The following GRIK3 variants were observed in gnomAD, a reference collection of about 807,000 sequenced individuals.
The protein encoded by GRIK3 is glutamate receptor ionotropic, kainate 3.
GRIK3 carries 29 observed loss-of-function variants against 102.5 expected under a neutral mutation model. That is an observed-to-expected ratio of 0.28 (90% CI 0.21 to 0.39). GRIK3 has a LOEUF of 0.39. Ranked by LOEUF, GRIK3 falls within the 10% of genes least tolerant of loss-of-function variation. The pLI, the probability that GRIK3 is intolerant of heterozygous loss-of-function variation, is 1.00. For synonymous variants in GRIK3, 511 were observed against 504.9 expected, an observed-to-expected ratio of 1.01 and a Z score of -0.16; for missense variants, 908 against 1,252.4, an observed-to-expected ratio of 0.73 and a Z score of 4.15.
intron 1 of GRIK3, among the ~76,000 whole-genome samples, chr1:36,997,391 AT>A (rs1321405397): frequency 7.2e-5 from 11 of 152,244 alleles, no homozygotes; most frequent in Non-Finnish European, 1.5e-4. Flanking sequence ...ATTAGAAAAC[AT>A]TTTTAAGGCA....
Position 36,914,083 on chromosome 1 carries a change from C to T in GRIK3, c.116-22987G>A, listed in dbSNP as rs186231707. ...AGGGAGGTCCCACACTGCAGCCCCACGGTGCCGGGGCAGGTGTGGGAGCCT... is the reference window on the plus strand; with the variant it reads ...AGGGAGGTCCCACACTGCAGCCCCATGGTGCCGGGGCAGGTGTGGGAGCCT... On this transcript the variant is annotated intron_variant, in intron 1 of 15. Coordinates refer to ENST00000373091, the MANE Select transcript of GRIK3 (RefSeq NM_000831.4). Among the ~76,000 whole-genome samples the T allele has an allele frequency of 9.8e-5, 15 of 152,346 alleles. No individual in the cohort carries two copies. In the East Asian group the frequency reaches 2.5e-3, roughly 25 times the overall value.
intron 1 of GRIK3, among the ~76,000 whole-genome samples, chr1:37,014,946 T>TCC (rs1443175042): frequency 6.0e-5 from 9 of 151,024 alleles, no homozygotes; most frequent in Admixed American, 2.6e-4. Flanking sequence ...TCTCTCTCTC[T>TCC]CTCTCTCTCT....
intron 8 of GRIK3, among the ~76,000 whole-genome samples, chr1:36,851,804 A>C (rs776797313): frequency 2.0e-5 from 3 of 152,226 alleles, no homozygotes; most frequent in Non-Finnish European, 2.9e-5. Flanking sequence ...AGCTGCCTGG[A>C]GGGCTGTTTG....
chr1:36,803,440 T>C (rs866349036), intron 15 of GRIK3, among the ~76,000 whole-genome samples: 13 of 152,148 alleles, frequency 8.5e-5, no homozygotes, highest in Middle Eastern at 6.8e-3. Flanking sequence ...TATTATTTAT[T>C]ATTATTATTT....
chr1:36,916,303 A>G, intron 1 of GRIK3, among the ~76,000 whole-genome samples: 1 of 152,236 alleles, frequency 6.6e-6, no homozygotes, highest in Middle Eastern at 3.2e-3. Flanking sequence ...ATTTTTAAAA[A>G]GGAAACAGAG....
At chr1:36,987,016 A>G (rs143783867) in intron 1 of GRIK3, among the ~76,000 whole-genome samples, 252 of 152,272 alleles carry the variant, frequency 1.7e-3, no homozygotes, top group African/African-American at 5.3e-3. Flanking sequence ...TAGCACATCC[A>G]TTTAGGGGAC....
chr1:36,825,543 C>T (rs748334304), intron 11 of GRIK3, 60 bp downstream of exon 11: 2 of 1,169,562 alleles, frequency 1.7e-6, no homozygotes, highest in Non-Finnish European at 2.4e-6. Context: ...GAGATGAGGA[C>T]CTGCCTAACC....
In GRIK3 at chr1:36,806,250, T is replaced by C; in HGVS notation, c.2168A>G (p.Glu723Gly). The C allele has an allele frequency of 1.2e-6, 2 of 1,614,134 alleles. No individual in the cohort carries two copies. Among genetic ancestry groups the C allele is most frequent in the Middle Eastern group, 1.6e-4 (1 of 6,062 alleles). Residue 723 changes from glutamate to glycine, a missense_variant, in exon 14 of 16, where the codon GAG (glutamate) becomes GGG (glycine). This residue lies in a region of GRIK3 where 297 missense variants were observed against 362.7 expected (regional missense o/e 0.82). Transcript: ENST00000373091. This position sits in a 1 kb window ranked among gnomAD's most constrained non-coding sequence, Gnocchi z 4.0. ...CGTCAGGGCCCTCTGGATGCCCTCCTCGTTGTTCTTCACCAGCGCCGATGG... is the reference window on the plus strand; with the variant it reads ...CGTCAGGGCCCTCTGGATGCCCTCCCCGTTGTTCTTCACCAGCGCCGATGG... ...SKPSALVKNN[E>G]EGIQRALTAD...
At chr1:36,868,216 C>T (rs987509255) in intron 5 of GRIK3, among the ~76,000 whole-genome samples, 1 of 152,212 alleles carries the variant, frequency 6.6e-6, no homozygotes, top group African/African-American at 2.4e-5. Context: ...GCCCTGCTCC[C>T]AGCTCTGGAC....
intron 9 of GRIK3, among the ~76,000 whole-genome samples, chr1:36,844,397 G>A (rs1265062555): frequency 2.0e-5 from 3 of 152,218 alleles, no homozygotes; most frequent in Admixed American, 2.0e-4. Flanking sequence ...GGAGGACATC[G>A]GCTGGTCCAT....
At chr1:36,937,798 G>C (rs1191952938) in intron 1 of GRIK3, among the ~76,000 whole-genome samples, 1 of 152,194 alleles carries the variant, frequency 6.6e-6, no homozygotes, top group Non-Finnish European at 1.5e-5. Flanking sequence ...ATAGTACAGG[G>C]ACCACTACAT....
At chr1:36,903,695 T>A (rs752365145) in intron 1 of GRIK3, among the ~76,000 whole-genome samples, 1 of 152,240 alleles carries the variant, frequency 6.6e-6, no homozygotes, top group Non-Finnish European at 1.5e-5. Context: ...TGCCTATCAC[T>A]AAGCGAATGA....
At chr1:36,975,008 G>T (rs1557448320) in intron 1 of GRIK3, among the ~76,000 whole-genome samples, 1 of 152,078 alleles carries the variant, frequency 6.6e-6, no homozygotes, top group Non-Finnish European at 1.5e-5. Context: ...GGGTAATGGG[G>T]AACTATTGTT....
chr1:36,917,583 C>T (rs548437365), intron 1 of GRIK3, among the ~76,000 whole-genome samples: 55 of 152,272 alleles, frequency 3.6e-4, no homozygotes, highest in African/African-American at 1.2e-3. Context: ...ATAAGTCTCA[C>T]GAGATTTAAT....
At chr1:36,989,004 G>A (rs1165196832) in intron 1 of GRIK3, among the ~76,000 whole-genome samples, 1 of 151,994 alleles carries the variant, frequency 6.6e-6, no homozygotes, top group East Asian at 1.9e-4. Context: ...TCCTAAAACT[G>A]AAGCCCTACA....
intron 1 of GRIK3, among the ~76,000 whole-genome samples, chr1:36,920,734 G>A (rs562505107): frequency 6.6e-6 from 1 of 152,332 alleles, no homozygotes; most frequent in Admixed American, 6.5e-5. Context: ...AGCTGTGGAG[G>A]CCCCAGTGCC....
intron 1 of GRIK3, among the ~76,000 whole-genome samples, chr1:37,005,747 ATG>A (rs1209280937): frequency 6.6e-6 from 1 of 152,186 alleles, no homozygotes; most frequent in African/African-American, 2.4e-5. Flanking sequence ...AGCACCTACA[ATG>A]TTCTAGTTAC....
intron 1 of GRIK3, among the ~76,000 whole-genome samples, chr1:36,918,261 C>G (rs1641423834): frequency 6.6e-6 from 1 of 152,132 alleles, no homozygotes; most frequent in African/African-American, 2.4e-5. Context: ...TTAATCCTCA[C>G]AGCAACCCTA....
intron 10 of GRIK3, among the ~76,000 whole-genome samples, chr1:36,827,967 G>A (rs2124200138): frequency 6.6e-6 from 1 of 152,192 alleles, no homozygotes; most frequent in South Asian, 2.1e-4. Context: ...GTCTGAATGT[G>A]TGAGTTGGAA....
Sources: allele counts gnomAD v4.1 joint callset (sites outside exome capture counted in the v4.1 genomes callset), GRCh38; gene constraint gnomAD v4.1.1; regional missense constraint gnomAD v4.1.1; non-coding constraint Gnocchi (gnomAD v3.1); transcripts MANE v1.5; gene names NCBI Gene and HGNC (gene_info 2026-07-23, HGNC 2026-07-21).